Variants in ADAMTS8 observed in about 807,000 individuals in gnomAD.
The protein encoded by ADAMTS8 is ADAM metallopeptidase with thrombospondin type 1 motif 8.
In ADAMTS8, 50 loss-of-function variants were observed where a neutral mutation model predicts 64.4. That is an observed-to-expected ratio of 0.78 (90% CI 0.62 to 0.98). The LOEUF is 0.98. Among genes scored for constraint, ADAMTS8 ranks in the 50% least tolerant of loss-of-function variants. The probability of loss-of-function intolerance (pLI) is 0.00; values close to 1 mark genes in which losing one functional copy is unlikely to be tolerated. For missense variants in ADAMTS8, 1,192 were observed against 1,208.2 expected (o/e 0.99, Z 0.20); for synonymous variants, 556 against 533.6 (o/e 1.04, Z -0.58).
At chr11:130,427,450 G>A (rs1405099183) in intron 1 of ADAMTS8, 117 bp downstream of exon 1, 1 of 891,192 alleles carries the variant, frequency 1.1e-6, no homozygotes, top group Admixed American at 3.4e-5. Flanking sequence ...AGTGGGGAGG[G>A]CTTTTTTTTT....
chr11:130,421,794 C>G (rs531686998), intron 1 of ADAMTS8, among the ~76,000 whole-genome samples: 1 of 152,116 alleles, frequency 6.6e-6, no homozygotes, highest in South Asian at 2.1e-4. Flanking sequence ...AAAGGACAGG[C>G]CTGACTGAGA....
rs957865849 is a variant in ADAMTS8 at position 130,411,518 on chromosome 11, T to A, written c.1649A>T (p.His550Leu). 6 of 1,614,032 alleles carry A rather than the reference T, an allele frequency of 3.7e-6. No homozygotes were observed. Among genetic ancestry groups the A allele is most frequent in the African/African-American group, 1.3e-5 (1 of 74,898 alleles). Residue 550 changes from histidine to leucine, a missense_variant, in exon 6 of 9, where the codon CAC becomes CTC. Transcript: ENST00000257359. The surrounding 1 kb of genome is among the most constrained non-coding windows in gnomAD (Gnocchi z 4.2). ...AGGCTCGGGGTCCTTGCACTCACGG[T>A]GTGAAAACTGTACTCCTCCTCCACA... Reference protein sequence around the residue: ...RTCGGGVQFSHRECKDPEPQN... With the variant: ...RTCGGGVQFSLRECKDPEPQN...
intron 2 of ADAMTS8, 109 bp from the exon 3 acceptor site, chr11:130,417,184 C>T (rs1007421136): frequency 4.2e-5 from 58 of 1,382,328 alleles, no homozygotes; most frequent in Non-Finnish European, 4.7e-5. Context: ...GACCACTGAG[C>T]GTCCCATAAC....
chr11:130,419,204 A>G lies in ADAMTS8; in HGVS notation c.809T>C (p.Val270Ala). 1.2e-6 allele frequency: 2 copies of G among 1,614,070 alleles called. No homozygotes were observed. The highest frequency in any genetic ancestry group is 1.7e-6 in the Non-Finnish European group (2 of 1,180,028). ...CCATTTTTCATCTTCTACGATCAGC[A>G]CTTTTACCACCATCAGGTTGATGGA... is the stretch of plus-strand genomic sequence containing the variant. Reference protein sequence around the residue: ...KNSINLMVVKVLIVEDEKWGP... With the variant: ...KNSINLMVVKALIVEDEKWGP... The change falls in exon 2 of 9, where the codon GTG (valine) becomes GCG (alanine). Residue 270 changes from valine to alanine, a missense_variant. Val to Ala is a moderately conservative substitution (Grantham distance 64). This residue lies in a region of ADAMTS8 where 741 missense variants were observed against 710.6 expected (regional missense o/e 1.04). Transcript: ENST00000257359.
At position 130,420,955 on chromosome 11, in the gene ADAMTS8, C is replaced by T. The variant is rs114028573; in HGVS notation, c.721-1663G>A. On this transcript the variant is annotated intron_variant, in intron 1 of 8. Coordinates refer to ENST00000257359, the MANE Select transcript of ADAMTS8 (RefSeq NM_007037.6). ...GGAGGCCAACAGTATCCTGATCTCT[C>T]TAAGAAGGACCAGGGTCTGATGGGC... 2.8e-3 allele frequency among the ~76,000 whole-genome samples: 420 copies of T among 152,244 alleles called. 1 individual carries two copies. The highest frequency in any genetic ancestry group is 9.9e-3 in the African/African-American group (413 of 41,528).
intron 5 of ADAMTS8, among the ~76,000 whole-genome samples, chr11:130,414,127 T>C (rs573326459): frequency 4.0e-4 from 60 of 150,458 alleles, no homozygotes; most frequent in South Asian, 1.3e-3. Flanking sequence ...CTTTTCTTTT[T>C]TTTTTTTTTT....
In ADAMTS8 at chr11:130,428,254, A is replaced by G. The variant is rs1862208798; in HGVS notation, c.33T>C (p.Pro11=). Residue 11 remains proline (P), a synonymous_variant, in exon 1 of 9, where the codon CCT becomes CCC. Coordinates refer to ENST00000257359, the MANE Select transcript of ADAMTS8 (RefSeq NM_007037.6). ...GCAGCAGCAGCAGCAGCAGGAGCGG[A>G]GGCCACCGGGGGGCGGCGGGGGCGG... MLPAPAAPRW[P]PLLLLLLLLL... 8.2e-7 allele frequency: 1 copy of G among 1,213,800 alleles called. No individual in the cohort carries two copies. The highest frequency in any genetic ancestry group is 1.0e-6 in the Non-Finnish European group (1 of 980,842). The allele number at this position is 1,213,800 out of a possible 1,614,324, so 75.2% of individuals were successfully genotyped here. A position where few individuals can be genotyped will look rare whatever the true frequency, so the allele number is the denominator to read the frequency against.
rs754114922 is a variant in ADAMTS8 at position 130,406,058 on chromosome 11, G to A, written c.2170C>T (p.Pro724Ser). Residue 724 changes from proline (P) to serine (S), a missense_variant, in exon 9 of 9, where the codon CCG (proline) becomes TCG (serine). Pro to Ser is a moderately conservative substitution (Grantham distance 74). Around this residue, in one of 5 missense-constraint regions of ADAMTS8, gnomAD observed 290 missense variants for 297.8 expected, o/e 0.97. Coordinates refer to ENST00000257359, the MANE Select transcript of ADAMTS8 (RefSeq NM_007037.6). ...TAGTTCCCATCGTTCTGCACACCCG[G>A]GTGGCTCCGCTGCTTCACGTCAATA... The part of the protein sequence containing the change: ...TNIDVKQRSH[P>S]GVQNDGNYLA... 6.2e-7 allele frequency: 1 copy of A among 1,613,980 alleles called. No homozygotes were observed. The highest frequency in any genetic ancestry group is 2.2e-5 in the East Asian group (1 of 44,882).
chr11:130,427,553 G>A lies in ADAMTS8; in HGVS notation c.720+14C>T, dbSNP rs371305516. 3.4e-4 allele frequency: 523 copies of A among 1,534,504 alleles called. 2 individuals are homozygous for A. In the African/African-American group the frequency reaches 6.6e-3, roughly 19 times the overall value. ...CCTCCGGGCACGGCGGCTGGAGGAG[G>A]CTCTCAGTCCTACCTGCAGGTCGGC... is the stretch of plus-strand genomic sequence containing the variant. On this transcript the variant is annotated intron_variant, in intron 1 of 8. Transcript: ENST00000257359.
Position 130,411,047 on chromosome 11 carries a change from A to T in ADAMTS8, c.1750+370T>A, listed in dbSNP as rs548525326. ...TGAGGGTTCCTATGCCTCCAGGAGG[A>T]TTAGTTTCCTAGACACCAGCCCCTC... On this transcript the variant is annotated intron_variant, in intron 6 of 8. Coordinates refer to ENST00000257359, the MANE Select transcript of ADAMTS8 (RefSeq NM_007037.6). The surrounding 1 kb of genome is among the most constrained non-coding windows in gnomAD (Gnocchi z 4.2). Among the ~76,000 whole-genome samples the T allele has an allele frequency of 3.3e-5, 5 of 152,208 alleles. No individual in the cohort carries two copies. In the East Asian group the frequency reaches 9.7e-4, roughly 30 times the overall value.
chr11:130,421,089 G>C (rs115836062), intron 1 of ADAMTS8, among the ~76,000 whole-genome samples: 30 of 152,282 alleles, frequency 2.0e-4, no homozygotes, highest in Middle Eastern at 6.8e-3. Context: ...AGATGAGGTC[G>C]CACAAGGAAG....
In ADAMTS8 at chr11:130,428,379, TC is replaced by T; in HGVS notation, c.-94del. On this transcript the variant is annotated 5_prime_UTR_variant, in exon 1 of 9. Coordinates refer to ENST00000257359, the MANE Select transcript of ADAMTS8 (RefSeq NM_007037.6). ...GCCCGAGCGCGGCCCGGCCGCTCTC[TC>T]CAGGAAAAGCGGAATCAATCGGGTG... The T allele has an allele frequency of 8.4e-7, 1 of 1,192,276 alleles. No homozygotes were observed. Among genetic ancestry groups the T allele is most frequent in the Non-Finnish European group, 1.0e-6 (1 of 954,392 alleles). The allele number at this position is 1,192,276 out of a possible 1,614,324, so 73.9% of individuals were successfully genotyped here.
chr11:130,408,060 C>A (rs1228602533), intron 8 of ADAMTS8, among the ~76,000 whole-genome samples: 1 of 152,128 alleles, frequency 6.6e-6, no homozygotes, highest in Non-Finnish European at 1.5e-5. Context: ...AGGACAGGGG[C>A]TTGCCAGGCT....
chr11:130,409,273 T>C (rs7936928), intron 6 of ADAMTS8, among the ~76,000 whole-genome samples: 104,938 of 152,054 alleles, frequency 0.69, 36,866 homozygotes, highest in East Asian at 0.97. Flanking sequence ...CAGAATGGCA[T>C]GTGGAGCTAT....
chr11:130,421,564 C>T (rs73569466), intron 1 of ADAMTS8, among the ~76,000 whole-genome samples: 1,688 of 152,320 alleles, frequency 0.011, 21 homozygotes, highest in African/African-American at 0.039. Context: ...GTGTTCCCTT[C>T]AAAATCCCAG....
In ADAMTS8 at chr11:130,422,368, G is replaced by A. The variant is rs1183310289; in HGVS notation, c.721-3076C>T. 3.3e-5 allele frequency among the ~76,000 whole-genome samples: 5 copies of A among 152,300 alleles called. 1 individual carries two copies. The highest frequency in any genetic ancestry group is 3.3e-4 in the Admixed American group (5 of 15,300). On this transcript the variant is annotated intron_variant, in intron 1 of 8. Transcript: ENST00000257359. ...CGAACAAGGAGATTCCTTCCTCAGA[G>A]CTTCTGTGGTAGCCGAAGCCAGCTG...
intron 2 of ADAMTS8, among the ~76,000 whole-genome samples, chr11:130,418,281 T>C (rs1862054104): frequency 7.1e-6 from 1 of 141,734 alleles, no homozygotes; most frequent in Non-Finnish European, 1.5e-5. Context: ...CTGTCTGTCT[T>C]CACATCAGCC....
Position 130,428,113 on chromosome 11 carries a change from G to T in ADAMTS8, c.174C>A (p.Ser58=), listed in dbSNP as rs748031870. 3 of 1,528,332 alleles carry T rather than the reference G, an allele frequency of 2.0e-6. No homozygotes were observed. In the Admixed American group the frequency reaches 5.9e-5, roughly 30 times the overall value. The allele number at this position is 1,528,332 out of a possible 1,614,324, so 94.7% of individuals were successfully genotyped here. ...GSAGELALHL[S]AFGKGFVLRL... ...GCAGCACGAAGCCCTTGCCGAAGGCGGACAGGTGGAGCGCGAGCTCGCCCG... is the reference window on the plus strand; with the variant it reads ...GCAGCACGAAGCCCTTGCCGAAGGCTGACAGGTGGAGCGCGAGCTCGCCCG... The change falls in exon 1 of 9, where the codon TCC becomes TCA. Residue 58 remains serine, a synonymous_variant. Coordinates refer to ENST00000257359, the MANE Select transcript of ADAMTS8 (RefSeq NM_007037.6).
At position 130,419,311 on chromosome 11, in the gene ADAMTS8, CAA is replaced by C. The variant is rs1473524916; in HGVS notation, c.721-21_721-20del. On this transcript the variant is annotated intron_variant, in intron 1 of 8. Transcript: ENST00000257359. ...TGTGGTTCTGTCAGGAAGGAGGAGA[CAA>C]GAGGCGGAGTGAAGGGTTAAGTCTC... The C allele has an allele frequency of 3.1e-6, 5 of 1,613,568 alleles. No individual in the cohort carries two copies. The highest frequency in any genetic ancestry group is 1.3e-5 in the African/African-American group (1 of 75,050).
Sources: allele counts gnomAD v4.1 joint callset (sites outside exome capture counted in the v4.1 genomes callset), GRCh38; gene constraint gnomAD v4.1.1; regional missense constraint gnomAD v4.1.1; non-coding constraint Gnocchi (gnomAD v3.1); transcripts MANE v1.5; gene names NCBI Gene and HGNC (gene_info 2026-07-23, HGNC 2026-07-21).